TRIT1: variants seen among roughly 807,000 people sequenced by gnomAD.
TRIT1 encodes tRNA isopentenyltransferase 1.
In TRIT1, 43 loss-of-function variants were observed where a neutral mutation model predicts 51.2. The observed-to-expected ratio is 0.84, with a 90% CI of 0.66 to 1.08. TRIT1 has a LOEUF of 1.08. TRIT1 is among the 50% of genes least tolerant of loss of function. The probability of loss-of-function intolerance (pLI) is 0.00; values close to 1 mark genes in which losing one functional copy is unlikely to be tolerated. For missense variants in TRIT1, 528 were observed against 578.4 expected (o/e 0.91, Z 0.89); for synonymous variants, 184 against 203.9 (o/e 0.90, Z 0.83).
chr1:39,863,741 T>C (rs1570071589), intron 1 of TRIT1, among the ~76,000 whole-genome samples: 2 of 97,346 alleles, frequency 2.1e-5, no homozygotes, highest in East Asian at 5.3e-4. Context: ...GTAAAAGAAA[T>C]CTACAACAGA....
chr1:39,870,148 C>T (rs1011457257), intron 1 of TRIT1, among the ~76,000 whole-genome samples: 5 of 152,144 alleles, frequency 3.3e-5, no homozygotes, highest in Admixed American at 3.3e-4. Context: ...TGGGAGACTC[C>T]ATTTTGTTCT....
intron 1 of TRIT1, among the ~76,000 whole-genome samples, chr1:39,872,635 G>A (rs115119926): frequency 0.013 from 1,980 of 152,074 alleles, 45 homozygotes; most frequent in African/African-American, 0.044. Context: ...TATACATACA[G>A]ATAGAGAAAT....
At chr1:39,868,637 T>C (rs1452174801) in intron 1 of TRIT1, among the ~76,000 whole-genome samples, 1 of 135,294 alleles carries the variant, frequency 7.4e-6, no homozygotes, top group African/African-American at 3.0e-5. Context: ...AAAGCAAAAC[T>C]TCCTCTCAAA....
intron 1 of TRIT1, among the ~76,000 whole-genome samples, chr1:39,873,979 C>G (rs576228575): frequency 4.6e-5 from 7 of 152,196 alleles, no homozygotes; most frequent in Admixed American, 4.6e-4. Context: ...CACACCATTG[C>G]ACTCCAGCCT....
rs1205107227 is a variant in TRIT1, at chr1:39,882,241, C to T, written c.174+1077G>A. 2.0e-5 allele frequency among the ~76,000 whole-genome samples: 3 copies of T among 152,150 alleles called. No individual in the cohort carries two copies. In the East Asian group the frequency reaches 5.8e-4, roughly 29 times the overall value. ...CAAACAAATTATTTTTTGAATTATC[C>T]GATCGTTTCATGTGTGCTGATGGTC... On this transcript the variant is annotated intron_variant, in intron 1 of 10. Coordinates refer to ENST00000316891, the MANE Select transcript of TRIT1 (RefSeq NM_017646.6).
intron 7 of TRIT1, 87 bp from the exon 8 acceptor site, chr1:39,847,384 G>C (rs1642292830): frequency 6.7e-7 from 1 of 1,483,110 alleles, no homozygotes; most frequent in East Asian, 2.3e-5. Flanking sequence ...GCAGGAAAAA[G>C]TCAGCCACGG....
At chr1:39,869,159 G>T (rs958293590) in intron 1 of TRIT1, among the ~76,000 whole-genome samples, 1 of 151,970 alleles carries the variant, frequency 6.6e-6, no homozygotes, top group East Asian at 1.9e-4. Flanking sequence ...CAGACTGGAG[G>T]CTGGACTGTA....
intron 10 of TRIT1, among the ~76,000 whole-genome samples, chr1:39,843,049 G>GA (rs952885952): frequency 3.3e-5 from 5 of 152,200 alleles, no homozygotes; most frequent in Non-Finnish European, 2.9e-5. Flanking sequence ...GTTTCCTTTA[G>GA]AAAAAAACAA....
rs577570570 is a variant in TRIT1 at position 39,844,445 on chromosome 1, T to G, written c.1116+86A>C. 59 of 1,114,252 alleles carry G rather than the reference T, an allele frequency of 5.3e-5. 1 individual carries two copies. The South Asian group carries it at 7.5e-4, about 14-fold the overall frequency. 69.0% of individuals were successfully genotyped at this position (1,114,252 alleles called of 1,614,324 possible). A position where few individuals can be genotyped will look rare whatever the true frequency, so the allele number is the denominator to read the frequency against. On this transcript the variant is annotated intron_variant, in intron 9 of 10. Transcript: ENST00000316891. ...GCTTTATTCTATGGAAAAGAAGGCC[T>G]GGTTCTTCAATATAGCAACAAAGGT...
chr1:39,880,526 C>T (rs551110332), intron 1 of TRIT1, among the ~76,000 whole-genome samples: 2 of 152,128 alleles, frequency 1.3e-5, no homozygotes, highest in Non-Finnish European at 2.9e-5. Context: ...TTGGGCCAGG[C>T]GCAGTGGCTC....
rs936359129 is a variant in TRIT1, at chr1:39,838,424, C to T, written c.*3320G>A. ...AGGGATATTGACAAGTCACTGCATT[C>T]ATAAAAGGTTGATTTCATGCATGTG... is the stretch of plus-strand genomic sequence containing the variant. On this transcript the variant is annotated 3_prime_UTR_variant, in exon 11 of 11. Coordinates refer to ENST00000316891, the MANE Select transcript of TRIT1 (RefSeq NM_017646.6). Among the ~76,000 whole-genome samples, 2 of 151,978 alleles carry T rather than the reference C, an allele frequency of 1.3e-5. No individual in the cohort carries two copies. The highest frequency in any genetic ancestry group is 2.4e-5 in the African/African-American group (1 of 41,430).
chr1:39,871,895 GC>G (rs1280259873), intron 1 of TRIT1, among the ~76,000 whole-genome samples: 1 of 151,970 alleles, frequency 6.6e-6, no homozygotes, highest in Non-Finnish European at 1.5e-5. Flanking sequence ...CTATATGTAT[GC>G]AAAAAATTTT....
At chr1:39,863,748 C>T (rs1283094710) in intron 1 of TRIT1, among the ~76,000 whole-genome samples, 3 of 115,934 alleles carry the variant, frequency 2.6e-5, no homozygotes, top group Non-Finnish European at 5.7e-5. Context: ...AAATCTACAA[C>T]AGAGAAAAAA....
rs1060505019 is a variant in TRIT1 at position 39,847,620 on chromosome 1, T to C, written c.856A>G (p.Lys286Glu). ...QHGIFQSIGF[K>E]EFHEYLITEG... is the part of the protein sequence containing the mutation. Reference sequence around the variant, plus strand: ...GTGATCAGGTACTCGTGAAATTCCTTGAAGCCAATTGATTGGAAGATACCA... The same window carrying C: ...GTGATCAGGTACTCGTGAAATTCCTCGAAGCCAATTGATTGGAAGATACCA... The change falls in exon 7 of 11, where the codon AAG becomes GAG. Residue 286 changes from lysine (K) to glutamate (E), a missense_variant. Transcript: ENST00000316891. The C allele has an allele frequency of 2.8e-5, 45 of 1,614,070 alleles. No individual in the cohort carries two copies. Among genetic ancestry groups the C allele is most frequent in the Non-Finnish European group, 3.8e-5 (45 of 1,180,042 alleles).
intron 9 of TRIT1, 38 bp from the exon 10 acceptor site, chr1:39,844,256 A>G (rs766572746): frequency 1.3e-6 from 2 of 1,482,744 alleles, no homozygotes; most frequent in Admixed American, 3.4e-5. Context: ...TTCAATTCAA[A>G]GAGATCTGGA....
chr1:39,854,171 G>C, intron 2 of TRIT1, 103 bp from the exon 3 acceptor site: 1 of 824,488 alleles, frequency 1.2e-6, no homozygotes. Flanking sequence ...GAGCAGAGGA[G>C]AAAGGGTGGG....
chr1:39,872,893 CAAAAA>C (rs1643926553), intron 1 of TRIT1, among the ~76,000 whole-genome samples: 1 of 150,768 alleles, frequency 6.6e-6, no homozygotes, highest in Non-Finnish European at 1.5e-5. Flanking sequence ...AGGAAGAAAA[CAAAAA>C]GAAAGAAAGA....
intron 3 of TRIT1, among the ~76,000 whole-genome samples, 178 bp from the exon 4 acceptor site, chr1:39,853,054 CAA>C (rs1054098276): frequency 9.9e-5 from 15 of 152,066 alleles, no homozygotes; most frequent in Admixed American, 8.5e-4. Flanking sequence ...CCACAGCAAA[CAA>C]AAAAGACAGA....
rs572971054 is a variant in TRIT1, at chr1:39,843,476, G to T, written c.1234+625C>A. On this transcript the variant is annotated intron_variant, in intron 10 of 10. Transcript: ENST00000316891. ...AGGCAGATCCAGGCTCTAATGCAGGGATAGAGCCTTAGGGTGGGGCTGGCC... is the reference window on the plus strand; with the variant it reads ...AGGCAGATCCAGGCTCTAATGCAGGTATAGAGCCTTAGGGTGGGGCTGGCC... Among the ~76,000 whole-genome samples the T allele has an allele frequency of 1.4e-3, 219 of 152,312 alleles. 2 individuals carry two copies. In the Middle Eastern group the frequency reaches 0.051, roughly 35 times the overall value.
Sources: gnomAD v4.1 joint callset for allele counts (sites outside exome capture counted in the v4.1 genomes callset) on GRCh38, gnomAD v4.1.1 for gene constraint, MANE v1.5 for transcripts, NCBI Gene and HGNC (gene_info 2026-07-23, HGNC 2026-07-21) for gene names.